Variants in KLF8 observed in about 807,000 individuals in gnomAD.
KLF8 encodes KLF transcription factor 8, also known as Krueppel-like factor 8.
Under a neutral mutation model 18.2 loss-of-function variants are expected in KLF8, and 10 were observed. That is an observed-to-expected ratio of 0.55 (90% CI 0.34 to 0.93). KLF8 has a LOEUF of 0.93. KLF8 is among the 40% of genes least tolerant of loss of function. KLF8 has a pLI of 0.02. For synonymous variants in KLF8, 109 were observed against 97.3 expected, an observed-to-expected ratio of 1.12 and a Z score of -0.71; for missense variants, 264 against 277.9, an observed-to-expected ratio of 0.95 and a Z score of 0.36.
At chrX:55,937,015 T>G in the KLF8 span, among the ~76,000 whole-genome samples, 1 of 111,409 alleles carries the variant, frequency 9.0e-6, no homozygotes, top group Non-Finnish European at 1.9e-5. Context: ...CTGACAGCTT[T>G]GAAGAGAGTA....
chrX:56,052,871 T>C, the KLF8 span, among the ~76,000 whole-genome samples: 3 of 111,450 alleles, frequency 2.7e-5, no homozygotes, highest in Non-Finnish European at 5.7e-5. Context: ...CCCAGCCTCC[T>C]GCGGCCTTGC....
the KLF8 span, among the ~76,000 whole-genome samples, chrX:55,986,292 T>C: frequency 8.9e-6 from 1 of 112,148 alleles, no homozygotes; most frequent in Admixed American, 9.5e-5. Flanking sequence ...ATGGCTCTTA[T>C]AAATTTGAGA....
the KLF8 span, among the ~76,000 whole-genome samples, chrX:56,211,782 G>A: frequency 1.8e-5 from 2 of 110,794 alleles, no homozygotes; most frequent in Admixed American, 9.7e-5. Context: ...CTTTCCAAAG[G>A]CAAAAGATCC....
chrX:55,979,056 G>T, the KLF8 span, among the ~76,000 whole-genome samples: 1 of 102,695 alleles, frequency 9.7e-6, no homozygotes, highest in African/African-American at 3.5e-5. Context: ...TCAAGAACTT[G>T]TAATCAGTTC....
the KLF8 span, among the ~76,000 whole-genome samples, chrX:56,186,210 G>A: frequency 9.0e-6 from 1 of 111,023 alleles, no homozygotes; most frequent in Non-Finnish European, 1.9e-5. Flanking sequence ...AACAGAAAAA[G>A]GCAGGGGTTG....
the KLF8 span, chrX:56,014,788 T>C: frequency 9.3e-6 from 1 of 107,473 alleles, no homozygotes; most frequent in Non-Finnish European, 1.9e-5. Flanking sequence ...CATAGAATAC[T>C]ATGTAGCCAT....
chrX:56,261,117 G>T (rs1363455015), intron 2 of KLF8, among the ~76,000 whole-genome samples: 6 of 111,318 alleles, frequency 5.4e-5, no homozygotes, highest in Non-Finnish European at 7.5e-5. Flanking sequence ...AATTGAGAGG[G>T]GTGTTTCCTA....
the KLF8 span, among the ~76,000 whole-genome samples, chrX:55,943,379 A>G: frequency 5.4e-5 from 6 of 110,666 alleles, no homozygotes; most frequent in Non-Finnish European, 1.1e-4. Flanking sequence ...AGAAGAAAAG[A>G]GATTTGAAGA....
intron 5 of KLF8, among the ~76,000 whole-genome samples, chrX:56,276,026 A>AT (rs974277163): frequency 3.6e-5 from 4 of 111,329 alleles, no homozygotes; most frequent in African/African-American, 1.3e-4. Flanking sequence ...TTCCTGTTCT[A>AT]TTTTTCAAAA....
chrX:55,965,230 A>T, the KLF8 span, among the ~76,000 whole-genome samples: 1 of 112,490 alleles, frequency 8.9e-6, no homozygotes, highest in Non-Finnish European at 1.9e-5. Flanking sequence ...GCAAACTTGG[A>T]TCAACATATA....
the KLF8 span, among the ~76,000 whole-genome samples, chrX:56,054,154 C>T: frequency 4.5e-5 from 5 of 110,174 alleles, no homozygotes; most frequent in African/African-American, 6.6e-5. Context: ...TATTTTGACA[C>T]GGAGTCTCTC....
chrX:56,147,834 C>T, the KLF8 span, among the ~76,000 whole-genome samples: 1 of 111,766 alleles, frequency 8.9e-6, no homozygotes, highest in Non-Finnish European at 1.9e-5. Context: ...CAAAAATTGA[C>T]CGGCAAGGTG....
At chrX:56,182,491 A>T in the KLF8 span, among the ~76,000 whole-genome samples, 1 of 112,219 alleles carries the variant, frequency 8.9e-6, no homozygotes, top group Non-Finnish European at 1.9e-5. Context: ...TTCTCCATCC[A>T]GCTTTGTTCT....
the KLF8 span, among the ~76,000 whole-genome samples, chrX:55,955,411 C>T: frequency 9.0e-6 from 1 of 111,127 alleles, no homozygotes; most frequent in African/African-American, 3.3e-5. Context: ...TAAAGATTTC[C>T]AAGTTTTACT....
chrX:56,146,356 TATACACCATGGA>T, the KLF8 span, among the ~76,000 whole-genome samples: 1 of 111,969 alleles, frequency 8.9e-6, no homozygotes, highest in Non-Finnish European at 1.9e-5. Context: ...GTGCAGCACA[TATACACCATGGA>T]ATACTATGCA....
chrX:56,183,148 C>A, the KLF8 span, among the ~76,000 whole-genome samples: 3 of 112,020 alleles, frequency 2.7e-5, no homozygotes, highest in Admixed American at 9.5e-5. Context: ...ACTTTCATTA[C>A]CTACTCAAGC....
the KLF8 span, among the ~76,000 whole-genome samples, chrX:55,918,164 C>T: frequency 1.8e-5 from 2 of 111,878 alleles, no homozygotes; most frequent in African/African-American, 6.5e-5. Context: ...CTCTGGGTTC[C>T]CATAGCACTA....
At chrX:55,952,761 G>A in the KLF8 span, among the ~76,000 whole-genome samples, 1 of 112,144 alleles carries the variant, frequency 8.9e-6, no homozygotes, top group Admixed American at 9.5e-5. Flanking sequence ...GATTAAAGAT[G>A]ACACTGGTAC....
intron 5 of KLF8, among the ~76,000 whole-genome samples, chrX:56,277,101 A>T (rs1363870525): frequency 8.9e-6 from 1 of 112,033 alleles, no homozygotes; most frequent in African/African-American, 3.3e-5. Flanking sequence ...GTCTCCTCAA[A>T]ACATATTTTG....
Sources: allele counts gnomAD v4.1 joint callset (sites outside exome capture counted in the v4.1 genomes callset), GRCh38; gene constraint gnomAD v4.1.1; transcripts MANE v1.5; gene names NCBI Gene and HGNC (gene_info 2026-07-23, HGNC 2026-07-21).